The following IQCM variants were observed in gnomAD, a reference collection of about 807,000 sequenced individuals.
The protein encoded by IQCM is IQ motif containing M.
In IQCM, 45 loss-of-function variants were observed where a neutral mutation model predicts 57.6. The observed-to-expected ratio is 0.78, with a 90% CI of 0.62 to 1.00. The LOEUF (loss-of-function observed/expected upper bound fraction) is 1.00, where lower values mean the gene tolerates loss of function less well. Ranked by LOEUF, IQCM falls within the 50% of genes least tolerant of loss-of-function variation. The pLI, the probability that IQCM is intolerant of heterozygous loss-of-function variation, is 0.00. For missense variants in IQCM, 468 were observed against 511.6 expected (o/e 0.91, Z 0.82); for synonymous variants, 148 against 158.9 (o/e 0.93, Z 0.51).
intron 7 of IQCM, among the ~76,000 whole-genome samples, chr4:149,623,384 G>A (rs1161576145): frequency 6.6e-6 from 1 of 152,124 alleles, no homozygotes; most frequent in African/African-American, 2.4e-5. Context: ...TCACAGAGTT[G>A]AAAACACCAT....
chr4:149,701,214 A>G (rs1215519566), intron 5 of IQCM, among the ~76,000 whole-genome samples: 1 of 152,054 alleles, frequency 6.6e-6, no homozygotes, highest in African/African-American at 2.4e-5. Flanking sequence ...GGGAGCAGTC[A>G]TTAGTGGTGG....
At chr4:149,545,359 G>A (rs1215077362) in intron 12 of IQCM, among the ~76,000 whole-genome samples, 1 of 151,934 alleles carries the variant, frequency 6.6e-6, no homozygotes, top group Non-Finnish European at 1.5e-5. Flanking sequence ...CAACTTAATA[G>A]CAAAAATCCC....
chr4:149,696,398 C>A (rs1318297606), intron 5 of IQCM, among the ~76,000 whole-genome samples: 1 of 152,264 alleles, frequency 6.6e-6, no homozygotes, highest in East Asian at 1.9e-4. Context: ...TATCAGACCT[C>A]CAATGAATGA....
rs116391760 is a variant in IQCM at position 149,621,522 on chromosome 4, A to C, written c.566-278T>G. ...AAACTATAGGTTCATTCTCTTTACT[A>C]TCTCCTCATGAAGAACATCAACTTC... On this transcript the variant is annotated intron_variant, in intron 7 of 13. Coordinates refer to ENST00000636793, the MANE Select transcript of IQCM (RefSeq NM_001363507.2). 9.8e-4 allele frequency among the ~76,000 whole-genome samples: 149 copies of C among 152,252 alleles called. 1 individual carries two copies. The highest frequency in any genetic ancestry group is 3.3e-3 in the African/African-American group (137 of 41,550).
At chr4:149,553,900 A>G (rs1485111235) in intron 10 of IQCM, among the ~76,000 whole-genome samples, 2 of 152,120 alleles carry the variant, frequency 1.3e-5, no homozygotes, top group African/African-American at 4.8e-5. Context: ...TTTTTTTATT[A>G]AAGTTTTAAA....
intron 7 of IQCM, among the ~76,000 whole-genome samples, chr4:149,651,811 G>T (rs1759204779): frequency 6.6e-6 from 1 of 152,168 alleles, no homozygotes; most frequent in Non-Finnish European, 1.5e-5. Flanking sequence ...ACAGATGCTG[G>T]TGAGGATGTG....
At chr4:149,489,231 T>C (rs1741837580) in intron 12 of IQCM, among the ~76,000 whole-genome samples, 2 of 152,124 alleles carry the variant, frequency 1.3e-5, no homozygotes, top group Admixed American at 6.6e-5. Context: ...GGGCTTCAAC[T>C]GCATTTTTTT....
At chr4:149,771,450 T>G (rs1770573974) in intron 2 of IQCM, among the ~76,000 whole-genome samples, 1 of 152,072 alleles carries the variant, frequency 6.6e-6, no homozygotes, top group African/African-American at 2.4e-5. Context: ...GTTCATTAAT[T>G]TATTCACTTA....
intron 2 of IQCM, among the ~76,000 whole-genome samples, chr4:149,808,471 T>C (rs1039655780): frequency 2.0e-5 from 3 of 152,154 alleles, no homozygotes; most frequent in Non-Finnish European, 4.4e-5. Flanking sequence ...AGTTCTAATA[T>C]TTGATAGTGC....
intron 13 of IQCM, among the ~76,000 whole-genome samples, chr4:149,375,852 G>T (rs1195878368): frequency 6.6e-6 from 1 of 152,042 alleles, no homozygotes; most frequent in Non-Finnish European, 1.5e-5. Flanking sequence ...ACGAACAAAC[G>T]TCTGTTCAAT....
At chr4:149,424,127 T>C (rs1181960922) in intron 13 of IQCM, among the ~76,000 whole-genome samples, 1 of 151,914 alleles carries the variant, frequency 6.6e-6, no homozygotes, top group African/African-American at 2.4e-5. Flanking sequence ...ATAAGTGGAA[T>C]GTTTCTCAAA....
intron 12 of IQCM, among the ~76,000 whole-genome samples, chr4:149,509,193 GC>G (rs1362942813): frequency 1.3e-5 from 2 of 152,196 alleles, no homozygotes; most frequent in African/African-American, 4.8e-5. Flanking sequence ...CCAAGATCCA[GC>G]CTGAGCTAGG....
rs930928138 is a variant in IQCM at position 149,364,997 on chromosome 4, T to C, written c.1391-12931A>G. ...ATATATATATATAAAATTATAGATA[T>C]GTTTACAAATATGGGTTCATATTCA... is the stretch of plus-strand genomic sequence containing the variant. On this transcript the variant is annotated intron_variant, in intron 13 of 13. Transcript: ENST00000636793. Among the ~76,000 whole-genome samples the C allele has an allele frequency of 3.3e-5, 5 of 152,172 alleles. No individual in the cohort carries two copies. The South Asian group carries it at 8.3e-4, about 25-fold the overall frequency.
intron 2 of IQCM, among the ~76,000 whole-genome samples, chr4:149,805,575 T>A (rs1395816103): frequency 6.6e-6 from 1 of 152,042 alleles, no homozygotes; most frequent in Non-Finnish European, 1.5e-5. Flanking sequence ...TGACCTTTCA[T>A]TTAGATCAGA....
intron 12 of IQCM, among the ~76,000 whole-genome samples, chr4:149,507,179 C>T (rs1743912077): frequency 6.6e-6 from 1 of 152,162 alleles, no homozygotes; most frequent in Non-Finnish European, 1.5e-5. Context: ...TAAACTCTTT[C>T]TATTGTAAAT....
chr4:149,625,410 C>T (rs1376959048), intron 7 of IQCM, among the ~76,000 whole-genome samples: 2 of 152,142 alleles, frequency 1.3e-5, no homozygotes, highest in Non-Finnish European at 2.9e-5. Flanking sequence ...GAGGAGACAT[C>T]CCTATAACAA....
At chr4:149,557,101 C>T (rs72726133) in intron 10 of IQCM, among the ~76,000 whole-genome samples, 1 of 152,248 alleles carries the variant, frequency 6.6e-6, no homozygotes, top group Non-Finnish European at 1.5e-5. Context: ...GGGTGCCTCT[C>T]TATAGGCCGT....
In IQCM at chr4:149,733,526, A is replaced by G; in HGVS notation, c.121-18T>C. 1 of 1,201,494 alleles carries G rather than the reference A, an allele frequency of 8.3e-7. No homozygotes were observed. The highest frequency in any genetic ancestry group is 1.0e-6 in the Non-Finnish European group (1 of 960,170). 74.4% of individuals were successfully genotyped at this position (1,201,494 alleles called of 1,614,324 possible). Reference sequence around the variant, plus strand: ...ACTTTATTCTATGAATAAAACAAAAATAGATTTTGGCAAAATTTAATTTTA... The same window carrying G: ...ACTTTATTCTATGAATAAAACAAAAGTAGATTTTGGCAAAATTTAATTTTA... On this transcript the variant is annotated intron_variant, in intron 4 of 13. Transcript: ENST00000636793.
At chr4:149,494,505 T>C (rs1409969961) in intron 12 of IQCM, among the ~76,000 whole-genome samples, 1 of 152,092 alleles carries the variant, frequency 6.6e-6, no homozygotes, top group African/African-American at 2.4e-5. Context: ...AAGTCTTCAA[T>C]TTTCATGTTT....
Sources: gnomAD v4.1 joint callset for allele counts (sites outside exome capture counted in the v4.1 genomes callset) on GRCh38, gnomAD v4.1.1 for gene constraint, MANE v1.5 for transcripts, NCBI Gene and HGNC (gene_info 2026-07-23, HGNC 2026-07-21) for gene names.